Variants in PECAM1 observed in about 807,000 individuals in gnomAD.
The protein encoded by PECAM1 is platelet and endothelial cell adhesion molecule 1.
Under a neutral mutation model 13.8 loss-of-function variants are expected in PECAM1, and 8 were observed. The ratio of observed to expected loss-of-function variants is 0.58; its 90% CI spans 0.34 to 1.05. The LOEUF is 1.05. Ranked by LOEUF, PECAM1 falls within the 50% of genes least tolerant of loss-of-function variation. PECAM1 has a pLI of 0.03. For synonymous variants in PECAM1, 136 were observed against 52.6 expected (o/e 2.58, Z -6.86); for missense variants, 304 against 141.2 (o/e 2.15, Z -5.84).
intron 6 of PECAM1, 128 bp from the exon 7 acceptor site, chr17:64,360,543 C>T: frequency 5.3e-6 from 2 of 378,432 alleles, no homozygotes; most frequent in Middle Eastern, 6.6e-4. Context: ...TGCCTGCCTG[C>T]CTTATTTACC....
At chr17:64,334,880 C>T (rs1267292911) in intron 14 of PECAM1, among the ~76,000 whole-genome samples, 1 of 152,090 alleles carries the variant, frequency 6.6e-6, no homozygotes, top group African/African-American at 2.4e-5. Flanking sequence ...CTGGGTTTTA[C>T]CTGCCCACCA....
chr17:64,370,496 G>A (rs1238149145), intron 4 of PECAM1: 1 of 152,356 alleles, frequency 6.6e-6, no homozygotes, highest in African/African-American at 2.4e-5. Flanking sequence ...CAAAAAAGTG[G>A]CTTCTAGTCT....
intron 7 of PECAM1, among the ~76,000 whole-genome samples, chr17:64,358,406 A>G (rs958197873): frequency 2.0e-5 from 3 of 152,148 alleles, no homozygotes; most frequent in Non-Finnish European, 2.9e-5. Flanking sequence ...GGCGTGAGCC[A>G]CCGCACCTGG....
intron 15 of PECAM1, among the ~76,000 whole-genome samples, chr17:64,326,162 G>A (rs1424239814): frequency 6.6e-6 from 1 of 152,128 alleles, no homozygotes; most frequent in Non-Finnish European, 1.5e-5. Flanking sequence ...GTAGAGGGGG[G>A]CCCTGGGCAA....
At chr17:64,330,420 A>C (rs1359158087) in intron 14 of PECAM1, among the ~76,000 whole-genome samples, 1 of 151,654 alleles carries the variant, frequency 6.6e-6, no homozygotes, top group Non-Finnish European at 1.5e-5. Context: ...AGGCAGGCGG[A>C]TCACCTGAGG....
At chr17:64,355,483 A>G (rs1258265397) in intron 8 of PECAM1, among the ~76,000 whole-genome samples, 1 of 151,914 alleles carries the variant, frequency 6.6e-6, no homozygotes, top group African/African-American at 2.4e-5. Flanking sequence ...TTTTTGAGGC[A>G]GAGTCTTGCT....
In PECAM1 at chr17:64,322,279, G is replaced by A. The variant is rs533774768; in HGVS notation, c.*1537C>T. On this transcript the variant is annotated 3_prime_UTR_variant, in exon 16 of 16. Coordinates refer to ENST00000563924, the MANE Select transcript of PECAM1 (RefSeq NM_000442.5). ...CATGTGCCTGTAATCCCAGCTACTCGGGAGGCTGAGACAGGAGAACTGCTT... is the reference window on the plus strand; with the variant it reads ...CATGTGCCTGTAATCCCAGCTACTCAGGAGGCTGAGACAGGAGAACTGCTT... The A allele has an allele frequency of 2.6e-4, 111 of 424,116 alleles. No individual in the cohort carries two copies. The highest frequency in any genetic ancestry group is 2.0e-3 in the African/African-American group (95 of 46,432). 26.3% of individuals were successfully genotyped at this position (424,116 alleles called of 1,614,324 possible). A position where few individuals can be genotyped will look rare whatever the true frequency, so the allele number is the denominator to read the frequency against.
chr17:64,341,946 T>A (rs952853986), intron 13 of PECAM1, among the ~76,000 whole-genome samples: 25 of 151,830 alleles, frequency 1.6e-4, no homozygotes, highest in African/African-American at 5.8e-4. Flanking sequence ...GGTCAGGAGG[T>A]TGAGACCATT....
At chr17:64,327,326 A>T (rs1326434214) in intron 15 of PECAM1, among the ~76,000 whole-genome samples, 3 of 152,226 alleles carry the variant, frequency 2.0e-5, no homozygotes, top group Admixed American at 2.0e-4. Flanking sequence ...GCAGTTGCTC[A>T]TTTCATCCTT....
intron 14 of PECAM1, among the ~76,000 whole-genome samples, chr17:64,338,841 G>A (rs1170645750): frequency 2.0e-5 from 3 of 152,236 alleles, no homozygotes; most frequent in East Asian, 3.8e-4. Flanking sequence ...TTACAGGCGT[G>A]AGCCACTGCG....
chr17:64,348,701 G>A (rs1382971276), intron 12 of PECAM1, among the ~76,000 whole-genome samples: 6 of 152,296 alleles, frequency 3.9e-5, no homozygotes, highest in Admixed American at 1.3e-4. Flanking sequence ...GCCTCCCAAA[G>A]TGCTGGGATT....
chr17:64,320,027 C>T lies in PECAM1; in HGVS notation c.*3789G>A, dbSNP rs1245537367. The T allele has an allele frequency of 6.6e-6, 1 of 152,160 alleles. No individual in the cohort carries two copies. The highest frequency in any genetic ancestry group is 2.4e-5 in the African/African-American group (1 of 41,444). 9.4% of individuals were successfully genotyped at this position (152,160 alleles called of 1,614,324 possible). A position where few individuals can be genotyped will look rare whatever the true frequency, so the allele number is the denominator to read the frequency against. On this transcript the variant is annotated 3_prime_UTR_variant, in exon 16 of 16. Coordinates refer to ENST00000563924, the MANE Select transcript of PECAM1 (RefSeq NM_000442.5). Reference sequence around the variant, plus strand: ...ACTCTAACATTTCCACTCTGTGGACCCCAGGTTGAGATCTTCTGCAGGGAA... The same window carrying T: ...ACTCTAACATTTCCACTCTGTGGACTCCAGGTTGAGATCTTCTGCAGGGAA...
chr17:64,380,824 C>CA (rs1241282483), intron 2 of PECAM1, among the ~76,000 whole-genome samples: 2 of 151,856 alleles, frequency 1.3e-5, no homozygotes, highest in Non-Finnish European at 2.9e-5. Context: ...CCGTCTCTAC[C>CA]AAAAATACAA....
At position 64,322,104 on chromosome 17, in the gene PECAM1, T is replaced by C; in HGVS notation, c.*1712A>G. 9.1e-7 allele frequency: 1 copy of C among 1,099,708 alleles called. No homozygotes were observed. The highest frequency in any genetic ancestry group is 1.1e-6 in the Non-Finnish European group (1 of 887,546). 68.1% of individuals were successfully genotyped at this position (1,099,708 alleles called of 1,614,324 possible). A position where few individuals can be genotyped will look rare whatever the true frequency, so the allele number is the denominator to read the frequency against. ...AAGAGTCTAGGCTGGGCATGGTGGC[T>C]CACGCCTGCAATCCCAACCCAAAGG... On this transcript the variant is annotated 3_prime_UTR_variant, in exon 16 of 16. Coordinates refer to ENST00000563924, the MANE Select transcript of PECAM1 (RefSeq NM_000442.5).
At chr17:64,334,729 G>C (rs1470500932) in intron 14 of PECAM1, among the ~76,000 whole-genome samples, 2 of 152,158 alleles carry the variant, frequency 1.3e-5, no homozygotes, top group Admixed American at 6.5e-5. Context: ...GGATGGTCTC[G>C]ATCTCCTGAC....
At chr17:64,356,816 T>C (rs2035857249) in intron 7 of PECAM1, among the ~76,000 whole-genome samples, 2 of 152,108 alleles carry the variant, frequency 1.3e-5, no homozygotes, top group Non-Finnish European at 2.9e-5. Context: ...CCCACTGCCT[T>C]CTCTAGCTAT....
intron 5 of PECAM1, among the ~76,000 whole-genome samples, chr17:64,364,250 C>A (rs1250467282): frequency 6.6e-6 from 1 of 152,138 alleles, no homozygotes; most frequent in African/African-American, 2.4e-5. Flanking sequence ...CCTCAACACA[C>A]ACACTCTCCC....
chr17:64,381,735 T>G (rs2036485112), intron 2 of PECAM1, among the ~76,000 whole-genome samples: 1 of 152,212 alleles, frequency 6.6e-6, no homozygotes, highest in Non-Finnish European at 1.5e-5. Context: ...TGGAACTCCC[T>G]TTTTTGTCTT....
At chr17:64,370,057 C>G (rs2036205930) in intron 4 of PECAM1, 32 bp from the exon 5 acceptor site, 1 of 398,602 alleles carries the variant, frequency 2.5e-6, no homozygotes. Flanking sequence ...TGGTTGGACT[C>G]AGGTGCAAAC....
Sources: gnomAD v4.1 joint callset for allele counts (sites outside exome capture counted in the v4.1 genomes callset) on GRCh38, gnomAD v4.1.1 for gene constraint, MANE v1.5 for transcripts, NCBI Gene and HGNC (gene_info 2026-07-23, HGNC 2026-07-21) for gene names.